The following SIK3 variants were observed in gnomAD, a reference collection of about 807,000 sequenced individuals.
SIK3 encodes the protein SIK family kinase 3, also known as serine/threonine-protein kinase SIK3.
Under a neutral mutation model 144.2 loss-of-function variants are expected in SIK3, and 28 were observed. The ratio of observed to expected loss-of-function variants is 0.19; its 90% CI spans 0.14 to 0.27. The LOEUF (loss-of-function observed/expected upper bound fraction) is 0.27, where lower values mean the gene tolerates loss of function less well. Among genes scored for constraint, SIK3 ranks in the 10% least tolerant of loss-of-function variants. SIK3 has a pLI of 1.00. For synonymous variants in SIK3, 686 were observed against 676.3 expected, an observed-to-expected ratio of 1.01 and a Z score of -0.22; for missense variants, 1,319 against 1,776.0, an observed-to-expected ratio of 0.74 and a Z score of 4.62.
At chr11:117,001,599 A>G (rs1950852872) in intron 1 of SIK3, among the ~76,000 whole-genome samples, 1 of 152,114 alleles carries the variant, frequency 6.6e-6, no homozygotes, top group Non-Finnish European at 1.5e-5. Flanking sequence ...CAAGAGAATC[A>G]CAAGCCCAGG....
chr11:117,021,928 C>CAA (rs71037444), intron 1 of SIK3, among the ~76,000 whole-genome samples: 2,251 of 58,698 alleles, frequency 0.038, 427 homozygotes, highest in Non-Finnish European at 0.058. Context: ...TCTGTCTCTA[C>CAA]AAAAAAAAAA....
intron 1 of SIK3, among the ~76,000 whole-genome samples, chr11:117,096,358 A>G (rs1955469108): frequency 6.6e-6 from 1 of 152,232 alleles, no homozygotes; most frequent in Non-Finnish European, 1.5e-5. Context: ...AAATAACCAC[A>G]GGAGCACAAA....
chr11:117,010,441 A>T (rs1482997610), intron 1 of SIK3, among the ~76,000 whole-genome samples: 1 of 152,118 alleles, frequency 6.6e-6, no homozygotes, highest in Non-Finnish European at 1.5e-5. Flanking sequence ...CTGTGTTCTC[A>T]TGGGTATTGG....
At chr11:116,975,723 C>T (rs779299204) in intron 1 of SIK3, among the ~76,000 whole-genome samples, 120 of 152,144 alleles carry the variant, frequency 7.9e-4, no homozygotes, top group Non-Finnish European at 1.4e-3. Flanking sequence ...TTTATACCTA[C>T]CAGTGGAATT....
chr11:116,867,439 G>A lies in SIK3; in HGVS notation c.1952+507C>T, dbSNP rs1317652980. Among the ~76,000 whole-genome samples, 1 of 152,188 alleles carries A rather than the reference G, an allele frequency of 6.6e-6. No homozygotes were observed. Among genetic ancestry groups the A allele is most frequent in the African/African-American group, 2.4e-5 (1 of 41,444 alleles). On this transcript the variant is annotated intron_variant, in intron 15 of 24. Transcript: ENST00000445177. This position sits in a 1 kb window ranked among gnomAD's most constrained non-coding sequence, Gnocchi z 4.1. ...GATTTTTGCCATCAGAATATTGAAA[G>A]AATGACCTCTTAAATACATCGCTCA...
chr11:117,011,430 T>C (rs1238163428), intron 1 of SIK3, among the ~76,000 whole-genome samples: 1 of 152,236 alleles, frequency 6.6e-6, no homozygotes, highest in Non-Finnish European at 1.5e-5. Context: ...GTCATTGTTT[T>C]GTACCAACAA....
At chr11:117,084,237 T>G (rs1954910143) in intron 1 of SIK3, among the ~76,000 whole-genome samples, 1 of 152,154 alleles carries the variant, frequency 6.6e-6, no homozygotes, top group African/African-American at 2.4e-5. Context: ...AAGCTTCTGC[T>G]GCTCCCATTA....
intron 3 of SIK3, among the ~76,000 whole-genome samples, chr11:116,931,062 T>A (rs979166849): frequency 6.6e-6 from 1 of 152,212 alleles, no homozygotes; most frequent in African/African-American, 2.4e-5. Flanking sequence ...ACTTTTAAAT[T>A]CTCTTTCTCA....
At chr11:117,026,313 G>A (rs1426812404) in intron 1 of SIK3, among the ~76,000 whole-genome samples, 1 of 152,114 alleles carries the variant, frequency 6.6e-6, no homozygotes, top group African/African-American at 2.4e-5. Context: ...TACCATCTAG[G>A]TCTGTGTAAG....
chr11:116,885,947 C>G (rs190144036), intron 6 of SIK3, among the ~76,000 whole-genome samples: 1 of 152,318 alleles, frequency 6.6e-6, no homozygotes, highest in Admixed American at 6.5e-5. Flanking sequence ...GGTAATGCAA[C>G]AGTGCCTGGT....
chr11:117,019,814 C>T (rs1035589246), intron 1 of SIK3, among the ~76,000 whole-genome samples: 8 of 151,662 alleles, frequency 5.3e-5, no homozygotes, highest in African/African-American at 7.3e-5. Context: ...GGGATTTCAC[C>T]GTGAATCCAG....
At chr11:117,097,003 G>T (rs1955503978) in intron 1 of SIK3, among the ~76,000 whole-genome samples, 1 of 152,178 alleles carries the variant, frequency 6.6e-6, no homozygotes, top group African/African-American at 2.4e-5. Context: ...TACATTAAAA[G>T]TATTCATTCA....
At chr11:117,020,821 G>A (rs1232332534) in intron 1 of SIK3, among the ~76,000 whole-genome samples, 2 of 152,100 alleles carry the variant, frequency 1.3e-5, no homozygotes, top group African/African-American at 4.8e-5. Flanking sequence ...CTAATGAACT[G>A]GTCAGTATGT....
At chr11:116,926,747 GT>G (rs1947294469) in intron 4 of SIK3, among the ~76,000 whole-genome samples, 1 of 152,308 alleles carries the variant, frequency 6.6e-6, no homozygotes, top group South Asian at 2.1e-4. Flanking sequence ...CAGGCCGGGT[GT>G]GGTGGCTCAC....
chr11:116,849,197 G>A lies in SIK3; in HGVS notation c.3742C>T (p.Arg1248Cys), dbSNP rs747877301. 1.7e-5 allele frequency: 28 copies of A among 1,614,164 alleles called. No homozygotes were observed. The East Asian group carries it at 5.6e-4, about 32-fold the overall frequency. Residue 1248 changes from arginine (R) to cysteine (C), a missense_variant, in exon 22 of 25, where the codon CGC (arginine) becomes TGC (cysteine). Around this residue, in one of 8 missense-constraint regions of SIK3, gnomAD observed 646 missense variants for 763.7 expected, o/e 0.85. Coordinates refer to ENST00000445177, the MANE Select transcript of SIK3 (RefSeq NM_001366686.3). The surrounding 1 kb of genome is among the most constrained non-coding windows in gnomAD (Gnocchi z 4.2). ...CTGTGGTGCTCATGGACGGAGGGGC[G>A]TGCTGGGTACCCGAGCCCATTGTGA... ...PDHNGLGYPA[R>C]PSVHEHHRPR...
intron 1 of SIK3, among the ~76,000 whole-genome samples, chr11:116,996,500 G>A (rs966430175): frequency 6.6e-6 from 1 of 152,008 alleles, no homozygotes; most frequent in Non-Finnish European, 1.5e-5. Context: ...ACAGGAGAAG[G>A]GGGAGACCCA....
intron 1 of SIK3, among the ~76,000 whole-genome samples, chr11:117,055,719 T>G (rs997519923): frequency 6.6e-6 from 1 of 152,262 alleles, no homozygotes; most frequent in African/African-American, 2.4e-5. Flanking sequence ...AGTCAGATGT[T>G]GCCAACGTGA....
At chr11:116,857,057 C>CA (rs1402291703) in intron 21 of SIK3, 1 of 152,156 alleles carries the variant, frequency 6.6e-6, no homozygotes, top group Non-Finnish European at 1.5e-5. Context: ...TTACTAATTG[C>CA]AATCCTGATC....
In SIK3 at chr11:116,982,807, G is replaced by A. The variant is rs542962216; in HGVS notation, c.274-25743C>T. Among the ~76,000 whole-genome samples the A allele has an allele frequency of 4.0e-5, 6 of 151,826 alleles. No individual in the cohort carries two copies. In the East Asian group the frequency reaches 1.2e-3, roughly 30 times the overall value. On this transcript the variant is annotated intron_variant, in intron 1 of 24. Transcript: ENST00000445177. ...AAAAATGCAAAAATTAGCTGAGCAT[G>A]GTGGCACACACCTGTAGTCCCAGTT...
Sources: gnomAD v4.1 joint callset for allele counts (sites outside exome capture counted in the v4.1 genomes callset) on GRCh38, gnomAD v4.1.1 for gene constraint, gnomAD v4.1.1 regional missense constraint, Gnocchi (gnomAD v3.1) non-coding constraint, MANE v1.5 for transcripts, NCBI Gene and HGNC (gene_info 2026-07-23, HGNC 2026-07-21) for gene names.